The following CEP128 variants were observed in gnomAD, a reference collection of about 807,000 sequenced individuals.
CEP128 encodes the protein centrosomal protein 128, also known as centrosomal protein 128kDa.
CEP128 carries 132 observed loss-of-function variants against 156.7 expected under a neutral mutation model. The ratio of observed to expected loss-of-function variants is 0.84; its 90% CI spans 0.73 to 0.97. CEP128 has a LOEUF of 0.97. CEP128 is among the 50% of genes least tolerant of loss of function. The probability of loss-of-function intolerance (pLI) is 0.00; values close to 1 mark genes in which losing one functional copy is unlikely to be tolerated. For missense variants in CEP128, 1,252 were observed against 1,281.9 expected, an observed-to-expected ratio of 0.98 and a Z score of 0.36; for synonymous variants, 469 against 448.9, an observed-to-expected ratio of 1.04 and a Z score of -0.57.
At chr14:80,845,444 T>C (rs1166398565) in intron 9 of CEP128, among the ~76,000 whole-genome samples, 1 of 152,174 alleles carries the variant, frequency 6.6e-6, no homozygotes, top group Non-Finnish European at 1.5e-5. Context: ...GGTCTGTTTT[T>C]ATCCGAGTAG....
chr14:80,558,371 C>T (rs1318865346), intron 21 of CEP128, among the ~76,000 whole-genome samples: 38 of 152,102 alleles, frequency 2.5e-4, no homozygotes, highest in Admixed American at 2.5e-3. Context: ...TCACGGCAAC[C>T]TCTGCCTCCC....
intron 19 of CEP128, among the ~76,000 whole-genome samples, chr14:80,716,846 C>T (rs945448439): frequency 6.6e-6 from 1 of 152,200 alleles, no homozygotes; most frequent in African/African-American, 2.4e-5. Context: ...CATATTCTCA[C>T]CAGAAGTGTA....
chr14:80,862,999 G>A, intron 8 of CEP128, 126 bp from the exon 9 acceptor site: 1 of 578,838 alleles, frequency 1.7e-6, no homozygotes, highest in Non-Finnish European at 2.9e-6. Flanking sequence ...TGTTTGCAAA[G>A]CCCCTTCTAA....
chr14:80,591,839 A>G (rs1224854133), intron 19 of CEP128, among the ~76,000 whole-genome samples: 1 of 152,262 alleles, frequency 6.6e-6, no homozygotes, highest in East Asian at 1.9e-4. Flanking sequence ...ATTAGAACTC[A>G]GGATTAAGAA....
At chr14:80,517,689 T>G (rs1284384422) in intron 23 of CEP128, among the ~76,000 whole-genome samples, 1 of 152,216 alleles carries the variant, frequency 6.6e-6, no homozygotes, top group Non-Finnish European at 1.5e-5. Context: ...AGCCTCTTGT[T>G]CTCTGACCTG....
At chr14:80,933,694 T>G (rs893788650) in intron 2 of CEP128, among the ~76,000 whole-genome samples, 14 of 152,140 alleles carry the variant, frequency 9.2e-5, no homozygotes, top group African/African-American at 3.1e-4. Flanking sequence ...GAGTGAACTC[T>G]GAGGGACAAA....
chr14:80,490,013 A>G (rs2140157745), downstream of CEP128, among the ~76,000 whole-genome samples: 1 of 152,238 alleles, frequency 6.6e-6, no homozygotes, highest in Non-Finnish European at 1.5e-5. Flanking sequence ...ACATTTTAGA[A>G]TAGGAAAATT....
chr14:80,563,862 C>A (rs1429401588), intron 20 of CEP128, among the ~76,000 whole-genome samples: 1 of 151,850 alleles, frequency 6.6e-6, no homozygotes, highest in East Asian at 1.9e-4. Flanking sequence ...AATAAAAACA[C>A]CTAAAATAAG....
chr14:80,772,607 C>T (rs1900572225), intron 16 of CEP128, among the ~76,000 whole-genome samples: 1 of 152,176 alleles, frequency 6.6e-6, no homozygotes, highest in Non-Finnish European at 1.5e-5. Context: ...TAAAAGAGTG[C>T]ACTGTGACAC....
intron 19 of CEP128, among the ~76,000 whole-genome samples, chr14:80,634,874 C>T (rs1233449312): frequency 6.6e-6 from 1 of 152,154 alleles, no homozygotes; most frequent in Non-Finnish European, 1.5e-5. Flanking sequence ...AGGATAACTT[C>T]CCTTATATAA....
At chr14:80,724,766 GT>G (rs1033675544) in intron 19 of CEP128, among the ~76,000 whole-genome samples, 2 of 151,690 alleles carry the variant, frequency 1.3e-5, no homozygotes, top group African/African-American at 4.8e-5. Flanking sequence ...TTATAAATGT[GT>G]TTTACCTTGC....
intron 6 of CEP128, among the ~76,000 whole-genome samples, chr14:80,900,953 TC>T (rs1235938466): frequency 6.6e-6 from 1 of 151,926 alleles, no homozygotes; most frequent in Non-Finnish European, 1.5e-5. Context: ...ACGCCTGTAA[TC>T]CCAGCACTTT....
chr14:80,851,768 G>T (rs1026596417), intron 9 of CEP128, among the ~76,000 whole-genome samples: 1 of 151,890 alleles, frequency 6.6e-6, no homozygotes, highest in Non-Finnish European at 1.5e-5. Flanking sequence ...ACTATAAGGT[G>T]TTTTGTAAGA....
intron 8 of CEP128, among the ~76,000 whole-genome samples, chr14:80,868,065 A>AG (rs1887855264): frequency 6.6e-6 from 1 of 151,846 alleles, no homozygotes; most frequent in South Asian, 2.1e-4. Flanking sequence ...AAGTCCTGGC[A>AG]GGGGGTGGGG....
At chr14:80,672,354 TAAA>T (rs33944762) in intron 19 of CEP128, among the ~76,000 whole-genome samples, 2 of 149,912 alleles carry the variant, frequency 1.3e-5, no homozygotes, top group African/African-American at 4.9e-5. Flanking sequence ...ATGTCTTTTT[TAAA>T]AAAAAAATCA....
At chr14:80,484,691 GC>G (rs770190096) in intron 14 of CEP128, among the ~76,000 whole-genome samples, 5 of 152,262 alleles carry the variant, frequency 3.3e-5, no homozygotes, top group Non-Finnish European at 5.9e-5. Context: ...TCACATCCAT[GC>G]TTTCAACACT....
chr14:80,627,967 T>C (rs2140705880), intron 19 of CEP128, among the ~76,000 whole-genome samples: 1 of 152,266 alleles, frequency 6.6e-6, no homozygotes, highest in Middle Eastern at 3.4e-3. Flanking sequence ...TCAGGCTGTG[T>C]GTGTGTGTAT....
chr14:80,554,207 G>GA (rs1370039906), intron 21 of CEP128, among the ~76,000 whole-genome samples: 4 of 152,076 alleles, frequency 2.6e-5, no homozygotes, highest in African/African-American at 9.7e-5. Context: ...TAACTTAACT[G>GA]AACTGCTGGA....
At chr14:80,536,831 C>A (rs1889505279) in intron 21 of CEP128, among the ~76,000 whole-genome samples, 1 of 152,158 alleles carries the variant, frequency 6.6e-6, no homozygotes, top group South Asian at 2.1e-4. Context: ...TCAGAGGAGT[C>A]CTCTATTTCT....
Sources: allele counts gnomAD v4.1 joint callset (sites outside exome capture counted in the v4.1 genomes callset), GRCh38; gene constraint gnomAD v4.1.1; transcripts MANE v1.5; gene names NCBI Gene and HGNC (gene_info 2026-07-23, HGNC 2026-07-21).